Variants in TRIM44 observed in about 807,000 individuals in gnomAD.
TRIM44 encodes the protein tripartite motif-containing protein 44.
In TRIM44, 13 loss-of-function variants were observed where a neutral mutation model predicts 37.4. That is an observed-to-expected ratio of 0.35 (90% CI 0.23 to 0.55). The LOEUF (loss-of-function observed/expected upper bound fraction) is 0.55, where lower values mean the gene tolerates loss of function less well. TRIM44 is among the 20% of genes least tolerant of loss of function. The pLI is 0.89. For missense variants in TRIM44, 426 were observed against 437.2 expected (o/e 0.97, Z 0.23); for synonymous variants, 175 against 157.2 (o/e 1.11, Z -0.85).
chr11:35,755,415 G>C (rs1460776314), intron 4 of TRIM44, among the ~76,000 whole-genome samples: 1 of 152,158 alleles, frequency 6.6e-6, no homozygotes, highest in Non-Finnish European at 1.5e-5. Context: ...CCCTTTGTCA[G>C]ATGAGTAGAT....
rs76452846 is a variant in TRIM44, at chr11:35,762,491, C to T, written c.1007+27046C>T. Reference sequence around the variant, plus strand: ...ACTCTTGCCTTGAGCCAGGTACAGTCGGTCAGGGAATAAGTCTTTATTGAG... The same window carrying T: ...ACTCTTGCCTTGAGCCAGGTACAGTTGGTCAGGGAATAAGTCTTTATTGAG... On this transcript the variant is annotated intron_variant, in intron 4 of 4. Coordinates refer to ENST00000299413, the MANE Select transcript of TRIM44 (RefSeq NM_017583.6). 9.5e-3 allele frequency among the ~76,000 whole-genome samples: 1,444 copies of T among 152,256 alleles called. 9 individuals are homozygous for T. The highest frequency in any genetic ancestry group is 0.014 in the Non-Finnish European group (973 of 68,024).
rs1353970171 is a variant in TRIM44, at chr11:35,814,251, A to G, written c.*7866A>G. Reference sequence around the variant, plus strand: ...CTTTGCTGTAAGAAGAATAAACGTTATGTAGATATAATACCAGCGTGACAG... The same window carrying G: ...CTTTGCTGTAAGAAGAATAAACGTTGTGTAGATATAATACCAGCGTGACAG... On this transcript the variant is annotated 3_prime_UTR_variant, in exon 5 of 5. Coordinates refer to ENST00000299413, the MANE Select transcript of TRIM44 (RefSeq NM_017583.6). The G allele has an allele frequency of 6.6e-6, 1 of 152,202 alleles. No individual in the cohort carries two copies. Among genetic ancestry groups the G allele is most frequent in the East Asian group, 1.9e-4 (1 of 5,198 alleles). The allele number at this position is 152,202 out of a possible 1,614,324, so 9.4% of individuals were successfully genotyped here. A position where few individuals can be genotyped will look rare whatever the true frequency, so the allele number is the denominator to read the frequency against.
At position 35,663,382 on chromosome 11, in the gene TRIM44, A is replaced by C; in HGVS notation, c.271A>C (p.Ile91Leu). 1.9e-6 allele frequency: 3 copies of C among 1,609,324 alleles called. No homozygotes were observed. Among genetic ancestry groups the C allele is most frequent in the South Asian group, 1.1e-5 (1 of 90,568 alleles). ...GGTCAAGGTGGAGCAGGAGAGGGAG[A>C]TAGAAAGCGAGGCAGGGGAAGAGAG... The part of the protein sequence containing the change: ...AEVKVEQERE[I>L]ESEAGEESES... The change falls in exon 1 of 5, where the codon ATA becomes CTA. Residue 91 changes from isoleucine (I) to leucine (L), a missense_variant. Ile to Leu is a conservative substitution (Grantham distance 5). Around this residue, in one of 2 missense-constraint regions of TRIM44, gnomAD observed 331 missense variants for 303.0 expected, o/e 1.09. Coordinates refer to ENST00000299413, the MANE Select transcript of TRIM44 (RefSeq NM_017583.6).
chr11:35,748,484 T>C (rs1852522309), intron 4 of TRIM44, among the ~76,000 whole-genome samples: 2 of 152,206 alleles, frequency 1.3e-5, no homozygotes, highest in Admixed American at 6.5e-5. Flanking sequence ...GCTATTAATA[T>C]TCTCATAACA....
chr11:35,761,128 C>A (rs1343172775), intron 4 of TRIM44, among the ~76,000 whole-genome samples: 2 of 152,090 alleles, frequency 1.3e-5, no homozygotes, highest in Non-Finnish European at 2.9e-5. Flanking sequence ...CAGGATTTCC[C>A]TTTTTTTATG....
At chr11:35,691,377 C>T (rs1851634520) in intron 2 of TRIM44, among the ~76,000 whole-genome samples, 1 of 152,168 alleles carries the variant, frequency 6.6e-6, no homozygotes, top group South Asian at 2.1e-4. Flanking sequence ...ACAGCTTACC[C>T]CTCTCATCCT....
intron 1 of TRIM44, among the ~76,000 whole-genome samples, chr11:35,681,843 CAAAT>C (rs1217202931): frequency 6.6e-6 from 1 of 150,958 alleles, no homozygotes; most frequent in Non-Finnish European, 1.5e-5. Context: ...CCTCAGCAAA[CAAAT>C]AATTAACCAA....
At chr11:35,728,326 CAA>C (rs1002019219) in intron 3 of TRIM44, among the ~76,000 whole-genome samples, 1 of 148,506 alleles carries the variant, frequency 6.7e-6, no homozygotes, top group African/African-American at 2.5e-5. Context: ...AACTCCATCT[CAA>C]AAAAAAAAGT....
Position 35,663,596 on chromosome 11 carries a change from A to G in TRIM44, c.485A>G (p.Glu162Gly), listed in dbSNP as rs375549195. 4.3e-6 allele frequency: 7 copies of G among 1,614,134 alleles called. No individual in the cohort carries two copies. The highest frequency in any genetic ancestry group is 5.9e-6 in the Non-Finnish European group (7 of 1,180,030). ...GAGGGAGAAACTGAGGCAGAAAGTGAATTTGACCCAGAAATAGAAATGGAA... is the reference window on the plus strand; with the variant it reads ...GAGGGAGAAACTGAGGCAGAAAGTGGATTTGACCCAGAAATAGAAATGGAA... ...EAEGETEAES[E>G]FDPEIEMEAE... The change falls in exon 1 of 5, where the codon GAA becomes GGA. Residue 162 changes from glutamate (E) to glycine (G), a missense_variant. Around this residue, in one of 2 missense-constraint regions of TRIM44, gnomAD observed 331 missense variants for 303.0 expected, o/e 1.09. Transcript: ENST00000299413.
chr11:35,704,577 A>G (rs1360018438), intron 2 of TRIM44, among the ~76,000 whole-genome samples: 2 of 152,238 alleles, frequency 1.3e-5, no homozygotes, highest in Admixed American at 6.5e-5. Flanking sequence ...CAGAAACTCT[A>G]CAAGCCAGAA....
At chr11:35,697,805 A>G (rs1453407111) in intron 2 of TRIM44, among the ~76,000 whole-genome samples, 1 of 152,090 alleles carries the variant, frequency 6.6e-6, no homozygotes, top group East Asian at 1.9e-4. Flanking sequence ...ATGGCTGCAT[A>G]GTATTCCATG....
intron 1 of TRIM44, among the ~76,000 whole-genome samples, chr11:35,679,820 T>C (rs1035522642): frequency 6.6e-6 from 1 of 152,196 alleles, no homozygotes; most frequent in Admixed American, 6.5e-5. Flanking sequence ...TGTGGATATA[T>C]AGCTTTTGAT....
At chr11:35,671,494 T>C (rs910943371) in intron 1 of TRIM44, among the ~76,000 whole-genome samples, 2 of 152,224 alleles carry the variant, frequency 1.3e-5, no homozygotes, top group African/African-American at 4.8e-5. Flanking sequence ...AGGAGGCTAA[T>C]TATACAAGTT....
chr11:35,709,775 G>T (rs903547329), intron 2 of TRIM44, among the ~76,000 whole-genome samples: 2 of 152,234 alleles, frequency 1.3e-5, no homozygotes, highest in African/African-American at 4.8e-5. Context: ...ACTCCTGGGG[G>T]TCGTTAGAAG....
At chr11:35,759,427 T>G (rs180875493) in intron 4 of TRIM44, among the ~76,000 whole-genome samples, 1 of 152,192 alleles carries the variant, frequency 6.6e-6, no homozygotes, top group Non-Finnish European at 1.5e-5. Context: ...GTTTTTAACT[T>G]CTTTGCCTTG....
At chr11:35,776,581 C>T (rs181012241) in intron 4 of TRIM44, among the ~76,000 whole-genome samples, 1 of 152,136 alleles carries the variant, frequency 6.6e-6, no homozygotes, top group East Asian at 1.9e-4. Flanking sequence ...TTCCTGCTTT[C>T]TCTTGTGGGC....
intron 2 of TRIM44, among the ~76,000 whole-genome samples, chr11:35,698,208 C>T (rs1328592974): frequency 6.8e-6 from 1 of 147,702 alleles, no homozygotes; most frequent in Non-Finnish European, 1.5e-5. Flanking sequence ...GGGTTGGTTC[C>T]AAGTCTTTGC....
chr11:35,703,108 C>T (rs1318059373), intron 2 of TRIM44, among the ~76,000 whole-genome samples: 1 of 152,222 alleles, frequency 6.6e-6, no homozygotes, highest in Non-Finnish European at 1.5e-5. Context: ...AGATTATATC[C>T]CGCACATGGC....
At chr11:35,777,381 C>T (rs1852985041) in intron 4 of TRIM44, among the ~76,000 whole-genome samples, 1 of 152,158 alleles carries the variant, frequency 6.6e-6, no homozygotes, top group Non-Finnish European at 1.5e-5. Context: ...CTGAATACAG[C>T]ACACTGATGG....
Sources: gnomAD v4.1 joint callset for allele counts (sites outside exome capture counted in the v4.1 genomes callset) on GRCh38, gnomAD v4.1.1 for gene constraint, gnomAD v4.1.1 regional missense constraint, MANE v1.5 for transcripts, NCBI Gene and HGNC (gene_info 2026-07-23, HGNC 2026-07-21) for gene names.